The following ONECUT1 variants were observed in gnomAD, a reference collection of about 807,000 sequenced individuals.
The protein encoded by ONECUT1 is hepatocyte nuclear factor 6.
Under a neutral mutation model 25.6 loss-of-function variants are expected in ONECUT1, and 12 were observed. The ratio of observed to expected loss-of-function variants is 0.47; its 90% confidence interval spans 0.30 to 0.76. The LOEUF (loss-of-function observed/expected upper bound fraction) is 0.76. ONECUT1 is among the 30% of genes least tolerant of loss of function. ONECUT1 has a pLI of 0.07. For missense variants in ONECUT1, 620 were observed against 651.2 expected, an observed-to-expected ratio of 0.95 and a Z score of 0.52; for synonymous variants, 285 against 270.2, an observed-to-expected ratio of 1.05 and a Z score of -0.54.
At position 52,789,732 on chromosome 15, in the gene ONECUT1, G is replaced by T. The variant is rs2083906424; in HGVS notation, c.153C>A (p.Arg51=). ...RGSHLPPAHP[R]SMGMASLLDG... ...CCAGCAGGGACGCCATGCCCATGGA[G>T]CGCGGGTGCGCGGGGGGCAGGTGGC... Residue 51 remains arginine (R), a synonymous_variant, in exon 1 of 2, where the codon CGC becomes CGA. Coordinates refer to ENST00000305901, the MANE Select transcript of ONECUT1 (RefSeq NM_004498.4). The surrounding 1 kb of genome is among the most constrained non-coding windows in gnomAD (Gnocchi z 4.1). 1 of 1,419,592 alleles carries T rather than the reference G, an allele frequency of 7.0e-7. No homozygotes were observed. Among genetic ancestry groups the T allele is most frequent in the Non-Finnish European group, 9.1e-7 (1 of 1,096,034 alleles). 87.9% of individuals were successfully genotyped at this position (1,419,592 alleles called of 1,614,324 possible).
At chr15:52,787,195 G>A (rs2083881511) in intron 1 of ONECUT1, 1 of 152,266 alleles carries the variant, frequency 6.6e-6, no homozygotes, top group African/African-American at 2.4e-5. Flanking sequence ...TCCCCTGACT[G>A]GTTCCCGGGC....
chr15:52,790,254 T>C lies in ONECUT1; in HGVS notation c.-370A>G, dbSNP rs2083912279. Among the ~76,000 whole-genome samples, 1 of 150,552 alleles carries C rather than the reference T, an allele frequency of 6.6e-6. No homozygotes were observed. Among genetic ancestry groups the C allele is most frequent in the African/African-American group, 2.4e-5 (1 of 41,040 alleles). On this transcript the variant is annotated 5_prime_UTR_variant, in exon 1 of 2. Coordinates refer to ENST00000305901, the MANE Select transcript of ONECUT1 (RefSeq NM_004498.4). ...TTCTTAAAATTCTGAGGTCTCCGGCTCCCCTGCCGCGGCCCGCGCGCCTGC... is the reference window on the plus strand; with the variant it reads ...TTCTTAAAATTCTGAGGTCTCCGGCCCCCCTGCCGCGGCCCGCGCGCCTGC...
rs181215917 is a variant in ONECUT1, at chr15:52,786,645, C to G, written c.1105+2135G>C. The stretch of plus-strand genomic sequence containing the variant: ...GGGTCCCAGCACTCAGGCTCCCTCC[C>G]CCTCCACAGTGCCGTCCCCTGAGCT... On this transcript the variant is annotated intron_variant, in intron 1 of 1. Coordinates refer to ENST00000305901, the MANE Select transcript of ONECUT1 (RefSeq NM_004498.4). 6.2e-4 allele frequency among the ~76,000 whole-genome samples: 94 copies of G among 152,370 alleles called. 1 individual carries two copies. In the East Asian group the frequency reaches 0.018, roughly 29 times the overall value.
At chr15:52,779,479 T>C (rs918213930) in intron 1 of ONECUT1, among the ~76,000 whole-genome samples, 1 of 152,176 alleles carries the variant, frequency 6.6e-6, no homozygotes, top group African/African-American at 2.4e-5. Flanking sequence ...GGTGATATTA[T>C]TCGATGGGAT....
At position 52,756,789 on chromosome 15, in the gene ONECUT1, C is replaced by A. The variant is rs1479795348; in HGVS notation, c.*766G>T. Among the ~76,000 whole-genome samples, 1 of 152,112 alleles carries A rather than the reference C, an allele frequency of 6.6e-6. No homozygotes were observed. Among genetic ancestry groups the A allele is most frequent in the Non-Finnish European group, 1.5e-5 (1 of 68,016 alleles). On this transcript the variant is annotated 3_prime_UTR_variant, in exon 2 of 2. Transcript: ENST00000305901. ...TCATACGTATAACTTTTCATAGTAT[C>A]TTGTGTAAAAATAGCTTTGGTTATT... is the stretch of plus-strand genomic sequence containing the variant.
intron 1 of ONECUT1, among the ~76,000 whole-genome samples, chr15:52,768,923 T>C (rs1450408811): frequency 1.3e-5 from 2 of 152,200 alleles, no homozygotes; most frequent in Non-Finnish European, 2.9e-5. Context: ...TTCAAGGACC[T>C]TGACACCCTG....
chr15:52,761,926 C>T (rs1307473982), intron 1 of ONECUT1, among the ~76,000 whole-genome samples: 1 of 152,136 alleles, frequency 6.6e-6, no homozygotes, highest in African/African-American at 2.4e-5. Flanking sequence ...GTTTGCTGGA[C>T]ATTCTGTTAA....
chr15:52,785,427 CG>C (rs1022537085), intron 1 of ONECUT1, among the ~76,000 whole-genome samples: 1 of 152,178 alleles, frequency 6.6e-6, no homozygotes, highest in Non-Finnish European at 1.5e-5. Flanking sequence ...CCAACTCCCC[CG>C]CGGGGTTTGG....
rs2083894038 is a variant in ONECUT1, at chr15:52,788,789, G to C, written c.1096C>G (p.Arg366Gly). 2 of 1,609,914 alleles carry C rather than the reference G, an allele frequency of 1.2e-6. No homozygotes were observed. The highest frequency in any genetic ancestry group is 1.7e-6 in the Non-Finnish European group (2 of 1,177,540). The change falls in exon 1 of 2, where the codon CGC (arginine) becomes GGC (glycine). Residue 366 changes from arginine to glycine, a missense_variant. Arg to Gly is a moderately radical substitution (Grantham distance 125, BLOSUM62 -2). This residue lies in a region of ONECUT1 where 146 missense variants were observed against 201.8 expected (regional missense o/e 0.72). Coordinates refer to ENST00000305901, the MANE Select transcript of ONECUT1 (RefSeq NM_004498.4). This position sits in a 1 kb window ranked among gnomAD's most constrained non-coding sequence, Gnocchi z 4.3. ...TCCTTGGCCGGCTCACCTGCTAAGC[G>C]GAGCGCGGACATGCGCTGGAACTCC... ...EPEFQRMSAL[R>G]LAACKRKEQE... is the part of the protein sequence containing the mutation.
intron 1 of ONECUT1, among the ~76,000 whole-genome samples, chr15:52,779,084 T>G (rs1452054027): frequency 1.3e-5 from 2 of 152,246 alleles, no homozygotes; most frequent in East Asian, 1.9e-4. Flanking sequence ...ACTAGTTTAT[T>G]TAATTAATTA....
At chr15:52,766,911 C>G (rs540638262) in intron 1 of ONECUT1, among the ~76,000 whole-genome samples, 3 of 152,152 alleles carry the variant, frequency 2.0e-5, no homozygotes, top group Admixed American at 2.0e-4. Context: ...TGGTGATGGA[C>G]CTGTCTTCTC....
At chr15:52,770,327 C>G (rs114506572) in intron 1 of ONECUT1, among the ~76,000 whole-genome samples, 1 of 152,354 alleles carries the variant, frequency 6.6e-6, no homozygotes, top group South Asian at 2.1e-4. Context: ...AAAGCTCCCT[C>G]GGTGATTCTA....
At chr15:52,783,291 C>A (rs900699848) in intron 1 of ONECUT1, among the ~76,000 whole-genome samples, 1 of 152,182 alleles carries the variant, frequency 6.6e-6, no homozygotes, top group Non-Finnish European at 1.5e-5. Flanking sequence ...CGTGGAGGGA[C>A]GAAAAGATCA....
intron 1 of ONECUT1, among the ~76,000 whole-genome samples, chr15:52,777,570 G>A (rs529439425): frequency 1.3e-5 from 2 of 152,028 alleles, no homozygotes; most frequent in Non-Finnish European, 2.9e-5. Context: ...TTTAGCCAGG[G>A]CCCCCACGCA....
intron 1 of ONECUT1, among the ~76,000 whole-genome samples, chr15:52,780,392 G>A (rs761473304): frequency 9.9e-5 from 15 of 152,150 alleles, no homozygotes; most frequent in Non-Finnish European, 1.9e-4. Flanking sequence ...CAGCTCACTG[G>A]ATTAATGATG....
At chr15:52,785,401 C>T (rs1009807298) in intron 1 of ONECUT1, among the ~76,000 whole-genome samples, 1 of 152,090 alleles carries the variant, frequency 6.6e-6, no homozygotes, top group Admixed American at 6.5e-5. Context: ...AAACACCGGA[C>T]GGGAAGGGGG....
Position 52,788,771 on chromosome 15 carries a change from C to T in ONECUT1, c.1105+9G>A, listed in dbSNP as rs767442414. On this transcript the variant is annotated intron_variant, in intron 1 of 1. Transcript: ENST00000305901. This position sits in a 1 kb window ranked among gnomAD's most constrained non-coding sequence, Gnocchi z 4.3. ...ATCTCCCGCGCGCCCAGCTCCTTGGCCGGCTCACCTGCTAAGCGGAGCGCG... is the reference window on the plus strand; with the variant it reads ...ATCTCCCGCGCGCCCAGCTCCTTGGTCGGCTCACCTGCTAAGCGGAGCGCG... The T allele has an allele frequency of 7.5e-6, 12 of 1,601,006 alleles. No homozygotes were observed. In the South Asian group the frequency reaches 1.0e-4, roughly 13 times the overall value.
Position 52,757,787 on chromosome 15 carries a change from C to G in ONECUT1, c.1166G>C (p.Arg389Thr). ...KDRGNTPKKPRLVFTDVQRRT... is the reference protein window; with the variant it reads ...KDRGNTPKKPTLVFTDVQRRT... ...ACGCTGGACATCTGTGAAGACCAAC[C>G]TGGGCTTTTTGGGTGTGTTGCCTCT... The change falls in exon 2 of 2, where the codon AGG becomes ACG. Residue 389 changes from arginine to threonine, a missense_variant. Transcript: ENST00000305901. 1 of 1,614,148 alleles carries G rather than the reference C, an allele frequency of 6.2e-7. No individual in the cohort carries two copies. The highest frequency in any genetic ancestry group is 2.2e-5 in the East Asian group (1 of 44,884).
At chr15:52,770,346 C>A (rs2083759214) in intron 1 of ONECUT1, among the ~76,000 whole-genome samples, 1 of 152,250 alleles carries the variant, frequency 6.6e-6, no homozygotes, top group Non-Finnish European at 1.5e-5. Flanking sequence ...TAATACTTAG[C>A]CAAGGCTGAG....
Sources: gnomAD v4.1 joint callset for allele counts (sites outside exome capture counted in the v4.1 genomes callset) on GRCh38, gnomAD v4.1.1 for gene constraint, gnomAD v4.1.1 regional missense constraint, Gnocchi (gnomAD v3.1) non-coding constraint, MANE v1.5 for transcripts, NCBI Gene and HGNC (gene_info 2026-07-23, HGNC 2026-07-21) for gene names.